The following ADAM12 variants were observed in gnomAD, a reference collection of about 807,000 sequenced individuals.
ADAM12 encodes the protein ADAM metallopeptidase domain 12, also known as disintegrin and metalloproteinase domain-containing protein 12.
Under a neutral mutation model 106.4 loss-of-function variants are expected in ADAM12, and 70 were observed. The observed-to-expected ratio is 0.66, with a 90% confidence interval of 0.54 to 0.80. The LOEUF (loss-of-function observed/expected upper bound fraction) is 0.80, where lower values mean the gene tolerates loss of function less well. ADAM12 is among the 30% of genes least tolerant of loss of function. The pLI is 0.00. For synonymous variants in ADAM12, 420 were observed against 433.5 expected (o/e 0.97, Z 0.39); for missense variants, 1,010 against 1,171.9 (o/e 0.86, Z 2.02).
intron 3 of ADAM12, among the ~76,000 whole-genome samples, chr10:126,191,219 A>G (rs980383041): frequency 6.6e-6 from 1 of 151,810 alleles, no homozygotes; most frequent in African/African-American, 2.4e-5. Flanking sequence ...TCAGGCTGGT[A>G]TTGAACTCCT....
Position 126,043,066 on chromosome 10 carries a change from G to A in ADAM12, c.2078C>T (p.Thr693Ile). 1.2e-6 allele frequency: 2 copies of A among 1,614,190 alleles called. No individual in the cohort carries two copies. The highest frequency in any genetic ancestry group is 8.5e-7 in the Non-Finnish European group (1 of 1,180,008). ...FCDKFGFGGSTDSGPIRQADN... is the reference protein window; with the variant it reads ...FCDKFGFGGSIDSGPIRQADN... ...TGCTTGCCGGATGGGGCCGCTGTCT[G>A]TGCTTCCTCCAAAGCCAAACTTGTC... is the stretch of plus-strand genomic sequence containing the variant. The change falls in exon 18 of 23, where the codon ACA becomes ATA. Residue 693 changes from threonine (T) to isoleucine (I), a missense_variant. Around this residue, in one of 3 missense-constraint regions of ADAM12, gnomAD observed 615 missense variants for 708.5 expected, o/e 0.87. Coordinates refer to ENST00000448723, the MANE Select transcript of ADAM12 (RefSeq NM_001288973.2). The surrounding 1 kb of genome is among the most constrained non-coding windows in gnomAD (Gnocchi z 4.1).
At chr10:126,018,123 C>T (rs778050585) in intron 22 of ADAM12, among the ~76,000 whole-genome samples, 1 of 152,194 alleles carries the variant, frequency 6.6e-6, no homozygotes, top group Non-Finnish European at 1.5e-5. Flanking sequence ...CTTTCTTTCA[C>T]GGGCCAAACA....
At chr10:126,351,050 G>T (rs1318765370) in intron 1 of ADAM12, among the ~76,000 whole-genome samples, 1 of 152,178 alleles carries the variant, frequency 6.6e-6, no homozygotes, top group Non-Finnish European at 1.5e-5. Context: ...AATGAAGCAG[G>T]GTGTGGAAAG....
At chr10:126,054,928 G>C (rs1954595881) in intron 14 of ADAM12, among the ~76,000 whole-genome samples, 1 of 152,114 alleles carries the variant, frequency 6.6e-6, no homozygotes, top group Admixed American at 6.5e-5. Context: ...TACCACACCT[G>C]TAACGATTCA....
At chr10:126,173,722 G>A (rs1373005102) in intron 3 of ADAM12, among the ~76,000 whole-genome samples, 2 of 152,024 alleles carry the variant, frequency 1.3e-5, no homozygotes, top group African/African-American at 2.4e-5. Flanking sequence ...TTTGTGGTTT[G>A]GAAAATCTTC....
At chr10:126,170,448 G>T (rs1429583461) in intron 3 of ADAM12, among the ~76,000 whole-genome samples, 1 of 151,850 alleles carries the variant, frequency 6.6e-6, no homozygotes, top group Non-Finnish European at 1.5e-5. Flanking sequence ...AGAGGGCGGG[G>T]GGGGAGTCCC....
intron 2 of ADAM12, among the ~76,000 whole-genome samples, chr10:126,316,174 T>C (rs371788851): frequency 2.0e-5 from 3 of 152,324 alleles, no homozygotes; most frequent in African/African-American, 4.8e-5. Context: ...AAGAGTTCTG[T>C]TTGAGCAAGT....
intron 3 of ADAM12, among the ~76,000 whole-genome samples, chr10:126,236,567 G>C (rs572058972): frequency 1.3e-5 from 2 of 152,278 alleles, no homozygotes; most frequent in East Asian, 3.9e-4. Context: ...CGGCTCTGCG[G>C]GGGGAGCTGA....
chr10:126,129,936 T>C (rs1459273800), intron 5 of ADAM12, among the ~76,000 whole-genome samples: 1 of 152,214 alleles, frequency 6.6e-6, no homozygotes, highest in Non-Finnish European at 1.5e-5. Context: ...ATTCCCTCCT[T>C]CTTCTATGTT....
At chr10:126,194,145 G>T (rs1957555178) in intron 3 of ADAM12, among the ~76,000 whole-genome samples, 1 of 151,900 alleles carries the variant, frequency 6.6e-6, no homozygotes, top group African/African-American at 2.4e-5. Flanking sequence ...ATATACATAA[G>T]ACTTTAAATA....
intron 2 of ADAM12, among the ~76,000 whole-genome samples, chr10:126,290,194 G>T (rs1435296455): frequency 6.6e-6 from 1 of 152,190 alleles, no homozygotes; most frequent in Non-Finnish European, 1.5e-5. Context: ...CCGCCAGCAA[G>T]AAAATAGGAA....
At chr10:126,175,494 G>A (rs190137776) in intron 3 of ADAM12, among the ~76,000 whole-genome samples, 1 of 152,128 alleles carries the variant, frequency 6.6e-6, no homozygotes. Context: ...AGTGGTGAGT[G>A]CCAAAAAACA....
intron 2 of ADAM12, among the ~76,000 whole-genome samples, chr10:126,309,189 G>C (rs1321409031): frequency 1.3e-5 from 2 of 152,170 alleles, no homozygotes; most frequent in African/African-American, 4.8e-5. Context: ...ACCTAAATGA[G>C]ATCTCAGAGA....
chr10:126,368,034 C>T (rs1855972113), intron 1 of ADAM12, among the ~76,000 whole-genome samples: 1 of 151,726 alleles, frequency 6.6e-6, no homozygotes, highest in South Asian at 2.1e-4. Context: ...GTAATAAACC[C>T]AGATCTGTCT....
intron 13 of ADAM12, among the ~76,000 whole-genome samples, chr10:126,065,927 C>T (rs1009822479): frequency 2.0e-5 from 3 of 152,122 alleles, no homozygotes; most frequent in Admixed American, 1.3e-4. Flanking sequence ...ATAACATTCC[C>T]CAGAAGTTAA....
intron 3 of ADAM12, among the ~76,000 whole-genome samples, chr10:126,253,970 C>T (rs959205472): frequency 2.0e-5 from 3 of 152,304 alleles, no homozygotes; most frequent in East Asian, 3.9e-4. Context: ...ACTTCCAGGG[C>T]GCTATGTCTC....
Position 126,094,122 on chromosome 10 carries a change from G to A in ADAM12, c.1008C>T (p.Asp336=), listed in dbSNP as rs1955513799. ...QSGGIVMDHS[D]NPLGAAVTLA... is the part of the protein sequence containing the mutation. ...GGGTCACGGCTGCACCAAGGGGATT[G>A]TCTGAATGGTCCTCAAAGAAAACAC... Residue 336 remains aspartate, a synonymous_variant, in exon 11 of 23, where the codon GAC becomes GAT. Transcript: ENST00000448723. 1.2e-6 allele frequency: 2 copies of A among 1,613,996 alleles called. No individual in the cohort carries two copies. Among genetic ancestry groups the A allele is most frequent in the East Asian group, 4.5e-5 (2 of 44,878 alleles).
chr10:126,342,575 G>A (rs1257156649), intron 1 of ADAM12, among the ~76,000 whole-genome samples: 2 of 152,150 alleles, frequency 1.3e-5, no homozygotes, highest in Non-Finnish European at 2.9e-5. Context: ...AGCCAAAAGA[G>A]TAAAGAAAAC....
chr10:126,230,650 G>A (rs952326990), intron 3 of ADAM12, among the ~76,000 whole-genome samples: 2 of 152,140 alleles, frequency 1.3e-5, no homozygotes, highest in African/African-American at 4.8e-5. Context: ...CAATTGGAAT[G>A]TTTTCCCACA....
Sources: allele counts gnomAD v4.1 joint callset (sites outside exome capture counted in the v4.1 genomes callset), GRCh38; gene constraint gnomAD v4.1.1; regional missense constraint gnomAD v4.1.1; non-coding constraint Gnocchi (gnomAD v3.1); transcripts MANE v1.5; gene names NCBI Gene and HGNC (gene_info 2026-07-23, HGNC 2026-07-21).